ATP9B: variants seen among roughly 807,000 people sequenced by gnomAD.
ATP9B encodes the protein ATPase phospholipid transporting 9B.
In ATP9B, 110 loss-of-function variants were observed where a neutral mutation model predicts 146.1. The ratio of observed to expected loss-of-function variants is 0.75; its 90% confidence interval spans 0.65 to 0.88. ATP9B has a LOEUF of 0.88. Among genes scored for constraint, ATP9B ranks in the 40% least tolerant of loss-of-function variants. ATP9B has a pLI of 0.00. For missense variants in ATP9B, 1,499 were observed against 1,496.4 expected, an observed-to-expected ratio of 1.00 and a Z score of -0.03; for synonymous variants, 604 against 569.7, an observed-to-expected ratio of 1.06 and a Z score of -0.86.
intron 25 of ATP9B, chr18:79,354,107 G>A (rs979420629): frequency 6.6e-6 from 1 of 152,284 alleles, no homozygotes; most frequent in Non-Finnish European, 1.5e-5. Context: ...AGTGACCGTG[G>A]AATCTCAGTC....
intron 2 of ATP9B, among the ~76,000 whole-genome samples, chr18:79,102,108 G>A (rs749594196): frequency 1.3e-5 from 2 of 151,908 alleles, no homozygotes; most frequent in Non-Finnish European, 2.9e-5. Flanking sequence ...ATCATGCCCG[G>A]CTAAGTTTTT....
intron 15 of ATP9B, among the ~76,000 whole-genome samples, chr18:79,325,861 T>A (rs912039932): frequency 7.9e-5 from 12 of 151,046 alleles, no homozygotes; most frequent in Non-Finnish European, 3.0e-5. Context: ...CTTCACATGG[T>A]GTTAGGGTGT....
intron 1 of ATP9B, chr18:79,085,356 C>G (rs746774259): frequency 3.9e-5 from 6 of 152,198 alleles, no homozygotes; most frequent in Non-Finnish European, 8.8e-5. Flanking sequence ...ACATCCAAAC[C>G]ATAGCATATG....
At chr18:79,201,665 G>A (rs2095489286) in intron 9 of ATP9B, among the ~76,000 whole-genome samples, 1 of 152,116 alleles carries the variant, frequency 6.6e-6, no homozygotes, top group Non-Finnish European at 1.5e-5. Context: ...GTGCCTCCTT[G>A]TTCAAGCAAT....
intron 8 of ATP9B, among the ~76,000 whole-genome samples, chr18:79,189,262 G>A (rs6506739): frequency 0.56 from 84,599 of 151,728 alleles, 25,316 homozygotes; most frequent in African/African-American, 0.79. Context: ...CCAGAGAATC[G>A]CTTGAACCTG....
At chr18:79,355,013 G>A (rs1568804161) in intron 25 of ATP9B, among the ~76,000 whole-genome samples, 1 of 152,230 alleles carries the variant, frequency 6.6e-6, no homozygotes. Flanking sequence ...GAGATGCAGC[G>A]ATGCACCCGG....
intron 11 of ATP9B, among the ~76,000 whole-genome samples, chr18:79,252,797 C>CTT (rs58656067): frequency 0.024 from 3,322 of 137,406 alleles, 128 homozygotes; most frequent in African/African-American, 0.082. Context: ...CTAACTATTG[C>CTT]TTTTTTTTTT....
At chr18:79,310,375 C>G (rs560547790) in intron 15 of ATP9B, among the ~76,000 whole-genome samples, 1 of 152,194 alleles carries the variant, frequency 6.6e-6, no homozygotes, top group Non-Finnish European at 1.5e-5. Flanking sequence ...TGAGTAATAA[C>G]TAGAACAGAT....
At chr18:79,113,192 A>G in intron 3 of ATP9B, 49 bp from the exon 4 acceptor site, 1 of 1,049,980 alleles carries the variant, frequency 9.5e-7, no homozygotes, top group Non-Finnish European at 1.4e-6. Context: ...TTAGGTATTA[A>G]AATTTTTTCC....
At chr18:79,254,798 C>T (rs898154481) in intron 12 of ATP9B, 1 of 152,864 alleles carries the variant, frequency 6.5e-6, no homozygotes, top group Non-Finnish European at 1.5e-5. Context: ...TCCTCTACCT[C>T]ATCATTCCAT....
chr18:79,158,595 A>T (rs2094831121), intron 7 of ATP9B, among the ~76,000 whole-genome samples: 1 of 152,168 alleles, frequency 6.6e-6, no homozygotes, highest in African/African-American at 2.4e-5. Flanking sequence ...ATCTGGCCTG[A>T]TTCATTGTTT....
intron 6 of ATP9B, among the ~76,000 whole-genome samples, chr18:79,153,858 G>A (rs942495798): frequency 1.3e-5 from 2 of 151,628 alleles, no homozygotes; most frequent in East Asian, 1.9e-4. Context: ...ATGTTGCCTC[G>A]TCTGGTCTCA....
intron 11 of ATP9B, among the ~76,000 whole-genome samples, chr18:79,242,781 T>C (rs1238442508): frequency 2.0e-5 from 3 of 152,230 alleles, no homozygotes; most frequent in Non-Finnish European, 4.4e-5. Flanking sequence ...ATGAAATGGC[T>C]CATAAAGTGT....
At chr18:79,152,054 A>C (rs1306963756) in intron 6 of ATP9B, among the ~76,000 whole-genome samples, 1 of 152,248 alleles carries the variant, frequency 6.6e-6, no homozygotes, top group Non-Finnish European at 1.5e-5. Flanking sequence ...ACATTTATGC[A>C]GCCAACAAAC....
intron 7 of ATP9B, chr18:79,173,785 C>T (rs1217595002): frequency 2.2e-6 from 1 of 455,476 alleles, no homozygotes; most frequent in East Asian, 6.9e-5. Flanking sequence ...CTTCCTTTTT[C>T]CCCCACATTG....
At chr18:79,356,837 CTCTGGGTCTGGAGGTGTCCG>C (rs2096957555) in intron 25 of ATP9B, among the ~76,000 whole-genome samples, 1 of 65,482 alleles carries the variant, frequency 1.5e-5, no homozygotes, top group Non-Finnish European at 3.8e-5. Context: ...GTGAGGGATG[CTCTGGGTCTGGAGGTGTCCG>C]TGTGAGGGAC....
At chr18:79,124,164 CAG>C (rs34522646) in intron 4 of ATP9B, among the ~76,000 whole-genome samples, 19,993 of 152,006 alleles carry the variant, frequency 0.13, 1,895 homozygotes, top group African/African-American at 0.27. Flanking sequence ...CTCATAGAGA[CAG>C]AAAGTGGATG....
intron 15 of ATP9B, among the ~76,000 whole-genome samples, chr18:79,313,436 T>C (rs902087452): frequency 2.6e-5 from 4 of 152,202 alleles, no homozygotes; most frequent in Admixed American, 1.3e-4. Context: ...TTTTCTGTTA[T>C]GGCATTCTGG....
chr18:79,160,028 A>G (rs1488710416), intron 7 of ATP9B, among the ~76,000 whole-genome samples: 1 of 152,174 alleles, frequency 6.6e-6, no homozygotes, highest in Non-Finnish European at 1.5e-5. Context: ...ATTACTGATA[A>G]GGCAGAATTT....
Sources: gnomAD v4.1 joint callset for allele counts (sites outside exome capture counted in the v4.1 genomes callset) on GRCh38, gnomAD v4.1.1 for gene constraint, MANE v1.5 for transcripts, NCBI Gene and HGNC (gene_info 2026-07-23, HGNC 2026-07-21) for gene names.